ARIH1: variants seen among roughly 807,000 people sequenced by gnomAD.
ARIH1 encodes the protein E3 ubiquitin-protein ligase ARIH1.
A neutral mutation model predicts 85.0 loss-of-function variants in ARIH1; 8 were observed. The ratio of observed to expected loss-of-function variants is 0.09; its 90% CI spans 0.06 to 0.17. The LOEUF (loss-of-function observed/expected upper bound fraction) is 0.17. Ranked by LOEUF, ARIH1 falls within the 10% of genes least tolerant of loss-of-function variation. ARIH1 has a pLI of 1.00. For synonymous variants in ARIH1, 238 were observed against 253.6 expected (o/e 0.94, Z 0.59); for missense variants, 311 against 718.1 (o/e 0.43, Z 6.48).
At chr15:72,493,689 G>A (rs1002552474) in intron 1 of ARIH1, among the ~76,000 whole-genome samples, 6 of 152,206 alleles carry the variant, frequency 3.9e-5, no homozygotes, top group African/African-American at 1.4e-4. Context: ...ATCATTTTGA[G>A]CAAAGAATAT....
At chr15:72,489,912 A>C (rs1490938996) in intron 1 of ARIH1, among the ~76,000 whole-genome samples, 1 of 152,224 alleles carries the variant, frequency 6.6e-6, no homozygotes, top group East Asian at 1.9e-4. Context: ...GGAAAGGGAA[A>C]TATTGATCTT....
chr15:72,495,160 C>T (rs2063874905), intron 1 of ARIH1, among the ~76,000 whole-genome samples: 1 of 152,038 alleles, frequency 6.6e-6, no homozygotes, highest in Admixed American at 6.6e-5. Flanking sequence ...TACAAAATGT[C>T]CTGAATTGGC....
At chr15:72,526,238 A>G (rs942645336) in intron 2 of ARIH1, among the ~76,000 whole-genome samples, 5 of 152,076 alleles carry the variant, frequency 3.3e-5, no homozygotes, top group African/African-American at 4.8e-5. Flanking sequence ...TACCAGGCAT[A>G]TTAGTATTTC....
chr15:72,557,438 C>T (rs1318057167), intron 5 of ARIH1, among the ~76,000 whole-genome samples: 1 of 152,046 alleles, frequency 6.6e-6, no homozygotes, highest in Non-Finnish European at 1.5e-5. Flanking sequence ...CTTATAGATT[C>T]TGGATATGAG....
At chr15:72,478,631 G>A (rs1430803953) in intron 1 of ARIH1, among the ~76,000 whole-genome samples, 2 of 152,142 alleles carry the variant, frequency 1.3e-5, no homozygotes, top group Non-Finnish European at 2.9e-5. Context: ...TAGGGAATAT[G>A]GAGGTCCTTG....
At chr15:72,534,151 A>G (rs1370424291) in intron 2 of ARIH1, among the ~76,000 whole-genome samples, 1 of 152,234 alleles carries the variant, frequency 6.6e-6, no homozygotes, top group Non-Finnish European at 1.5e-5. Flanking sequence ...GGTTCTACTT[A>G]CATAAAATAT....
chr15:72,504,974 G>A (rs2063918695), intron 1 of ARIH1, among the ~76,000 whole-genome samples: 1 of 152,306 alleles, frequency 6.6e-6, no homozygotes, highest in East Asian at 1.9e-4. Flanking sequence ...AATTACACAT[G>A]ATAATTTCTT....
Position 72,583,585 on chromosome 15 carries a change from T to C in ARIH1, c.*293T>C. ...TCATTCTCAAAGCTGACTCCTTTTT[T>C]TTCTTTTTCCTTTTCCTGAGTGTAG... On this transcript the variant is annotated 3_prime_UTR_variant, in exon 14 of 14. Coordinates refer to ENST00000379887, the MANE Select transcript of ARIH1 (RefSeq NM_005744.5). 6.7e-6 allele frequency: 2 copies of C among 299,898 alleles called. No homozygotes were observed. The highest frequency in any genetic ancestry group is 1.1e-4 in the East Asian group (2 of 17,586). The allele number at this position is 299,898 out of a possible 1,614,324, so 18.6% of individuals were successfully genotyped here.
intron 1 of ARIH1, among the ~76,000 whole-genome samples, chr15:72,511,773 G>A (rs1188844601): frequency 6.6e-6 from 1 of 151,824 alleles, no homozygotes; most frequent in Non-Finnish European, 1.5e-5. Flanking sequence ...TATTGTATTT[G>A]TAAGACTCCG....
At chr15:72,530,031 A>G (rs534279028) in intron 2 of ARIH1, among the ~76,000 whole-genome samples, 2 of 152,326 alleles carry the variant, frequency 1.3e-5, no homozygotes, top group South Asian at 4.1e-4. Flanking sequence ...GTAAAAGGAA[A>G]ATATTGTCCT....
rs2064366462 is a variant in ARIH1, at chr15:72,597,153, CAG to C, written c.*13864_*13865del. On this transcript the variant is annotated 3_prime_UTR_variant, in exon 14 of 14. Transcript: ENST00000379887. ...TTGAAGAAAATGTTTACTTCCAAAA[CAG>C]AGCATGCCCTTTGTTTTTTTTTCAG... is the stretch of plus-strand genomic sequence containing the variant. The C allele has an allele frequency of 9.5e-6, 1 of 104,990 alleles. No individual in the cohort carries two copies. Among genetic ancestry groups the C allele is most frequent in the Admixed American group, 1.3e-4 (1 of 7,950 alleles). The allele number at this position is 104,990 out of a possible 1,614,324, so 6.5% of individuals were successfully genotyped here.
At chr15:72,497,035 TTTA>T (rs1202095218) in intron 1 of ARIH1, among the ~76,000 whole-genome samples, 2 of 152,338 alleles carry the variant, frequency 1.3e-5, no homozygotes, top group East Asian at 3.9e-4. Flanking sequence ...AGGGCACAAT[TTTA>T]TTATTATGTT....
chr15:72,527,445 G>A (rs1229326856), intron 2 of ARIH1, among the ~76,000 whole-genome samples: 1 of 151,984 alleles, frequency 6.6e-6, no homozygotes, highest in Non-Finnish European at 1.5e-5. Flanking sequence ...CTGCCTGGGA[G>A]GAATTCTCTC....
Position 72,594,555 on chromosome 15 carries a change from T to TG in ARIH1, c.*11264dup, listed in dbSNP as rs2064355396. ...TCTTTAGAGATGGGTCTCACTATGT[T>TG]GCCCAGGTTGGTCTTAAACTCCTGA... On this transcript the variant is annotated 3_prime_UTR_variant, in exon 14 of 14. Coordinates refer to ENST00000379887, the MANE Select transcript of ARIH1 (RefSeq NM_005744.5). 1 of 152,282 alleles carries TG rather than the reference T, an allele frequency of 6.6e-6. No individual in the cohort carries two copies. The highest frequency in any genetic ancestry group is 6.5e-5 in the Admixed American group (1 of 15,294). The allele number at this position is 152,282 out of a possible 1,614,324, so 9.4% of individuals were successfully genotyped here.
intron 1 of ARIH1, among the ~76,000 whole-genome samples, chr15:72,489,979 C>G (rs1387015888): frequency 2.0e-5 from 3 of 152,010 alleles, no homozygotes; most frequent in Non-Finnish European, 4.4e-5. Context: ...GGAAAAAAAT[C>G]AGAAAAATCA....
chr15:72,596,845 A>G lies in ARIH1; in HGVS notation c.*13553A>G, dbSNP rs2064365318. The G allele has an allele frequency of 6.6e-6, 1 of 151,970 alleles. No individual in the cohort carries two copies. Among genetic ancestry groups the G allele is most frequent in the Non-Finnish European group, 1.5e-5 (1 of 67,982 alleles). The allele number at this position is 151,970 out of a possible 1,614,324, so 9.4% of individuals were successfully genotyped here. On this transcript the variant is annotated 3_prime_UTR_variant, in exon 14 of 14. Coordinates refer to ENST00000379887, the MANE Select transcript of ARIH1 (RefSeq NM_005744.5). ...ATTTCATTATATTTGTATAGTTACA[A>G]TTTTCTGCTGAAATTTCCTATTTCT...
At chr15:72,520,262 A>G (rs528674311) in intron 2 of ARIH1, among the ~76,000 whole-genome samples, 1 of 152,296 alleles carries the variant, frequency 6.6e-6, no homozygotes, top group Admixed American at 6.5e-5. Context: ...CAGTCTTTAA[A>G]TAGTGTCTTT....
chr15:72,487,787 A>T (rs2063843244), intron 1 of ARIH1, among the ~76,000 whole-genome samples: 1 of 152,282 alleles, frequency 6.6e-6, no homozygotes, highest in Non-Finnish European at 1.5e-5. Context: ...CCAAACACAA[A>T]TTTAATAGTC....
In ARIH1 at chr15:72,583,519, GAC is replaced by G. The variant is rs917810917; in HGVS notation, c.*232_*233del. On this transcript the variant is annotated 3_prime_UTR_variant, in exon 14 of 14. Coordinates refer to ENST00000379887, the MANE Select transcript of ARIH1 (RefSeq NM_005744.5). ...CTAGGCCACCAACAAAAGTGTGACA[GAC>G]ACACTAAAAGCCCTCCAACTTTAAC... is the stretch of plus-strand genomic sequence containing the variant. The G allele has an allele frequency of 2.6e-5, 11 of 419,510 alleles. No individual in the cohort carries two copies. The highest frequency in any genetic ancestry group is 4.2e-5 in the Non-Finnish European group (10 of 236,064). The allele number at this position is 419,510 out of a possible 1,614,324, so 26.0% of individuals were successfully genotyped here.
Sources: gnomAD v4.1 joint callset for allele counts (sites outside exome capture counted in the v4.1 genomes callset) on GRCh38, gnomAD v4.1.1 for gene constraint, MANE v1.5 for transcripts, NCBI Gene and HGNC (gene_info 2026-07-23, HGNC 2026-07-21) for gene names.